The following OXR1 variants were observed in gnomAD, a reference collection of about 807,000 sequenced individuals.
OXR1 encodes oxidation resistance 1.
OXR1 carries 41 observed loss-of-function variants against 104.6 expected under a neutral mutation model. That is an observed-to-expected ratio of 0.39 (90% CI 0.31 to 0.51). The LOEUF (loss-of-function observed/expected upper bound fraction) is 0.51. Among genes scored for constraint, OXR1 ranks in the 20% least tolerant of loss-of-function variants. The probability of loss-of-function intolerance (pLI) is 0.77; values close to 1 mark genes in which losing one functional copy is unlikely to be tolerated. For missense variants in OXR1, 955 were observed against 1,031.9 expected (o/e 0.93, Z 1.02); for synonymous variants, 348 against 348.4 (o/e 1.00, Z 0.01).
intron 3 of OXR1, among the ~76,000 whole-genome samples, chr8:106,628,095 T>C (rs1822326774): frequency 1.3e-5 from 2 of 152,174 alleles, no homozygotes; most frequent in African/African-American, 4.8e-5. Context: ...AGATTTCCTA[T>C]TGCCTTCTTC....
intron 9 of OXR1, among the ~76,000 whole-genome samples, chr8:106,709,548 A>G (rs891347484): frequency 2.0e-5 from 3 of 151,596 alleles, no homozygotes; most frequent in Non-Finnish European, 4.4e-5. Context: ...AAAAGATAAA[A>G]TAATCTGTTT....
At chr8:106,680,517 T>C (rs1338171770) in intron 4 of OXR1, among the ~76,000 whole-genome samples, 1 of 152,142 alleles carries the variant, frequency 6.6e-6, no homozygotes, top group African/African-American at 2.4e-5. Context: ...AGAACTCTAA[T>C]TTTTTATTGA....
At chr8:106,515,452 C>A (rs537173325) in intron 2 of OXR1, among the ~76,000 whole-genome samples, 111 of 152,242 alleles carry the variant, frequency 7.3e-4, no homozygotes, top group African/African-American at 2.1e-3. Context: ...CAACATTATA[C>A]CCATCTAAAT....
At chr8:106,614,274 C>T (rs1821023094) in intron 3 of OXR1, among the ~76,000 whole-genome samples, 1 of 152,178 alleles carries the variant, frequency 6.6e-6, no homozygotes, top group African/African-American at 2.4e-5. Flanking sequence ...TTCTCAAGCA[C>T]ATTTTTCAAT....
intron 16 of OXR1, among the ~76,000 whole-genome samples, chr8:106,746,508 G>T (rs1835408922): frequency 6.6e-6 from 1 of 152,154 alleles, no homozygotes; most frequent in African/African-American, 2.4e-5. Flanking sequence ...CTGTCTTTCA[G>T]TATTAGACAT....
chr8:106,588,299 G>C (rs1308354728), intron 3 of OXR1, among the ~76,000 whole-genome samples: 1 of 151,508 alleles, frequency 6.6e-6, no homozygotes, highest in Non-Finnish European at 1.5e-5. Flanking sequence ...AAACTGCAGT[G>C]ATGGGTTGGA....
intron 3 of OXR1, among the ~76,000 whole-genome samples, chr8:106,673,984 T>C (rs1430123346): frequency 6.6e-6 from 1 of 152,178 alleles, no homozygotes; most frequent in African/African-American, 2.4e-5. Context: ...TGGAGAACCT[T>C]TGCTAGGGCA....
At chr8:106,318,901 T>G (rs1814096258) in intron 1 of OXR1, among the ~76,000 whole-genome samples, 1 of 152,210 alleles carries the variant, frequency 6.6e-6, no homozygotes, top group Non-Finnish European at 1.5e-5. Flanking sequence ...TAAAAGTCAT[T>G]GTAATAAATG....
intron 3 of OXR1, among the ~76,000 whole-genome samples, chr8:106,597,988 G>A (rs983837918): frequency 2.0e-5 from 3 of 152,048 alleles, no homozygotes; most frequent in African/African-American, 7.2e-5. Flanking sequence ...GATTATCCCA[G>A]TCTCCACTTG....
intron 3 of OXR1, among the ~76,000 whole-genome samples, chr8:106,649,287 CACAT>C (rs1361053649): frequency 6.6e-6 from 1 of 151,388 alleles, no homozygotes; most frequent in Non-Finnish European, 1.5e-5. Flanking sequence ...TAAAGAAACA[CACAT>C]GCATATATAC....
chr8:106,584,662 A>G (rs546612044), intron 3 of OXR1, among the ~76,000 whole-genome samples: 8 of 152,130 alleles, frequency 5.3e-5, no homozygotes, highest in Non-Finnish European at 1.0e-4. Flanking sequence ...TAAATCAACT[A>G]TGAGTAGAAT....
At chr8:106,320,653 CT>C (rs1234497050) in intron 1 of OXR1, among the ~76,000 whole-genome samples, 1 of 147,542 alleles carries the variant, frequency 6.8e-6, no homozygotes, top group African/African-American at 2.6e-5. Context: ...CTTTTCTCTT[CT>C]CTTTTTCTCT....
chr8:106,608,373 C>A (rs970490784), intron 3 of OXR1, among the ~76,000 whole-genome samples: 1 of 152,002 alleles, frequency 6.6e-6, no homozygotes, highest in African/African-American at 2.4e-5. Flanking sequence ...TGCTCATGTA[C>A]TTTATGGGCA....
At chr8:106,674,456 C>G (rs1307470001) in intron 3 of OXR1, among the ~76,000 whole-genome samples, 1 of 152,114 alleles carries the variant, frequency 6.6e-6, no homozygotes, top group Non-Finnish European at 1.5e-5. Flanking sequence ...ATTTTACAGG[C>G]TTATAGGCAG....
At chr8:106,344,952 T>C (rs1503562) in intron 1 of OXR1, among the ~76,000 whole-genome samples, 95,896 of 152,062 alleles carry the variant, frequency 0.63, 31,493 homozygotes, top group African/African-American at 0.83. Context: ...GTCGTCTTCT[T>C]AGTGAACACC....
At chr8:106,446,349 G>A (rs947528246) in intron 2 of OXR1, among the ~76,000 whole-genome samples, 8 of 152,184 alleles carry the variant, frequency 5.3e-5, no homozygotes, top group South Asian at 2.1e-4. Context: ...GCCGGGTGCC[G>A]TGGCTCACGC....
At chr8:106,371,212 A>G (rs1289060163) in intron 2 of OXR1, among the ~76,000 whole-genome samples, 1 of 151,840 alleles carries the variant, frequency 6.6e-6, no homozygotes, top group East Asian at 1.9e-4. Flanking sequence ...GTATTCTCTG[A>G]TAGTAATTTT....
intron 2 of OXR1, among the ~76,000 whole-genome samples, chr8:106,383,375 T>C (rs1817240351): frequency 6.6e-6 from 1 of 152,196 alleles, no homozygotes; most frequent in South Asian, 2.1e-4. Context: ...TTTGGAAATG[T>C]ATTATCTATG....
chr8:106,441,234 G>C (rs1187080754), intron 2 of OXR1, among the ~76,000 whole-genome samples: 6 of 151,930 alleles, frequency 3.9e-5, no homozygotes, highest in Non-Finnish European at 5.9e-5. Context: ...TAGATGTATG[G>C]TATTATTATT....
Sources: gnomAD v4.1 joint callset for allele counts (sites outside exome capture counted in the v4.1 genomes callset) on GRCh38, gnomAD v4.1.1 for gene constraint, MANE v1.5 for transcripts, NCBI Gene and HGNC (gene_info 2026-07-23, HGNC 2026-07-21) for gene names.